EPN1: variants seen among roughly 807,000 people sequenced by gnomAD.
EPN1 encodes epsin-1.
A neutral mutation model predicts 56.9 loss-of-function variants in EPN1; 25 were observed. That is an observed-to-expected ratio of 0.44 (90% CI 0.32 to 0.61). The LOEUF is 0.61. Among genes scored for constraint, EPN1 ranks in the 20% least tolerant of loss-of-function variants. The pLI, the probability that EPN1 is intolerant of heterozygous loss-of-function variation, is 0.05. For missense variants in EPN1, 785 were observed against 823.7 expected (o/e 0.95, Z 0.58); for synonymous variants, 411 against 361.8 (o/e 1.14, Z -1.54).
chr19:55,689,141 C>A lies in EPN1; in HGVS notation c.603+147C>A. The A allele has an allele frequency of 7.9e-7, 1 of 1,266,788 alleles. No homozygotes were observed. The highest frequency in any genetic ancestry group is 1.1e-6 in the Non-Finnish European group (1 of 926,274). The allele number at this position is 1,266,788 out of a possible 1,614,324, so 78.5% of individuals were successfully genotyped here. A position where few individuals can be genotyped will look rare whatever the true frequency, so the allele number is the denominator to read the frequency against. ...CTCCTCCCCAGTCCTGCCTCATCCT[C>A]ACCCCGCCGTCCCTCTGCGTGTCAC... On this transcript the variant is annotated intron_variant, in intron 4 of 10. Transcript: ENST00000270460. This position sits in a 1 kb window ranked among gnomAD's most constrained non-coding sequence, Gnocchi z 5.7.
chr19:55,692,118 CTG>C, intron 7 of EPN1, 61 bp downstream of exon 7: 1 of 1,366,142 alleles, frequency 7.3e-7, no homozygotes, highest in Non-Finnish European at 9.5e-7. Flanking sequence ...CTTTGGTTGA[CTG>C]TGCCCTTGGA....
In EPN1 at chr19:55,691,534, C is replaced by T. The variant is rs188179703; in HGVS notation, c.763-220C>T. On this transcript the variant is annotated intron_variant, in intron 6 of 10. Transcript: ENST00000270460. The surrounding 1 kb of genome is among the most constrained non-coding windows in gnomAD (Gnocchi z 5.6). ...TGTGTTGGGGCTCCCTGGTGGTACC[C>T]TCGGGTGGGGTAGGTGGGCAGGGGT... Among the ~76,000 whole-genome samples, 3 of 151,336 alleles carry T rather than the reference C, an allele frequency of 2.0e-5. No individual in the cohort carries two copies. Among genetic ancestry groups the T allele is most frequent in the Admixed American group, 6.6e-5 (1 of 15,218 alleles).
At position 55,695,297 on chromosome 19, in the gene EPN1, C is replaced by T. The variant is rs1986852064; in HGVS notation, c.1672C>T (p.Leu558=). The T allele has an allele frequency of 6.3e-7, 1 of 1,576,726 alleles. No homozygotes were observed. The highest frequency in any genetic ancestry group is 1.4e-5 in the African/African-American group (1 of 73,934). The change falls in exon 11 of 11, where the codon CTG becomes TTG. Residue 558 remains leucine (L), a synonymous_variant. Coordinates refer to ENST00000270460, the MANE Select transcript of EPN1 (RefSeq NM_001130072.2). This position sits in a 1 kb window ranked among gnomAD's most constrained non-coding sequence, Gnocchi z 4.4. The stretch of plus-strand genomic sequence containing the variant: ...CTCTCCCCTTGGCGGGGGCCCTGGC[C>T]TGCCCCCCATGATGCCCCCGGGCCC... ...YISPLGGGPG[L]PPMMPPGPPA... is the part of the protein sequence containing the mutation.
At chr19:55,677,747 C>T (rs962067706) in intron 1 of EPN1, 2 of 1,527,494 alleles carry the variant, frequency 1.3e-6, no homozygotes, top group South Asian at 2.5e-5. Context: ...TGGTTCCCTG[C>T]TCCTGCCTCT....
intron 1 of EPN1, among the ~76,000 whole-genome samples, chr19:55,676,031 CCTG>C (rs1600091516): frequency 6.6e-6 from 1 of 152,308 alleles, no homozygotes; most frequent in East Asian, 1.9e-4. Context: ...AGCCCGGCTG[CCTG>C]CTAAGCTGTG....
At chr19:55,686,374 GC>G (rs1246629721) in intron 3 of EPN1, among the ~76,000 whole-genome samples, 1 of 152,174 alleles carries the variant, frequency 6.6e-6, no homozygotes, top group Non-Finnish European at 1.5e-5. Flanking sequence ...TGTCTGCCAG[GC>G]TCTTCTGCTC....
rs527509709 is a variant in EPN1, at chr19:55,699,338, G to C, written c.*3982G>C. ...GGCATCTCCCCCACACGTGCTTCTA[G>C]CTTCCCGGGTGTGGCGTGAGCCATT... On this transcript the variant is annotated 3_prime_UTR_variant, in exon 11 of 11. Transcript: ENST00000270460. The C allele has an allele frequency of 3.9e-5, 6 of 152,288 alleles. No homozygotes were observed. The highest frequency in any genetic ancestry group is 1.4e-4 in the African/African-American group (6 of 41,548). 9.4% of individuals were successfully genotyped at this position (152,288 alleles called of 1,614,324 possible).
In EPN1 at chr19:55,699,935, T is replaced by C. The variant is rs1444549447; in HGVS notation, c.*4579T>C. ...AATTTCCTAAAGCACTATTTTTTTTTTTTGAGACAGAGTCTTGCTCTGTCG... is the reference window on the plus strand; with the variant it reads ...AATTTCCTAAAGCACTATTTTTTTTCTTTGAGACAGAGTCTTGCTCTGTCG... On this transcript the variant is annotated 3_prime_UTR_variant, in exon 11 of 11. Transcript: ENST00000270460. The C allele has an allele frequency of 6.6e-6, 1 of 152,196 alleles. No individual in the cohort carries two copies. Among genetic ancestry groups the C allele is most frequent in the Non-Finnish European group, 1.5e-5 (1 of 68,040 alleles). The allele number at this position is 152,196 out of a possible 1,614,324, so 9.4% of individuals were successfully genotyped here. A position where few individuals can be genotyped will look rare whatever the true frequency, so the allele number is the denominator to read the frequency against.
At position 55,691,890 on chromosome 19, in the gene EPN1, C is replaced by T. The variant is rs964187672; in HGVS notation, c.899C>T (p.Pro300Leu). 28 of 1,600,240 alleles carry T rather than the reference C, an allele frequency of 1.7e-5. No homozygotes were observed. Among genetic ancestry groups the T allele is most frequent in the Non-Finnish European group, 2.3e-5 (27 of 1,173,552 alleles). Residue 300 changes from proline (P) to leucine (L), a missense_variant, in exon 7 of 11, where the codon CCT becomes CTT. Transcript: ENST00000270460. The surrounding 1 kb of genome is among the most constrained non-coding windows in gnomAD (Gnocchi z 5.6). ...ACCTCGGACCCCTGGGGCGGCCCCCCTGTCCCTCCAGCTGCTGATCCCTGG... is the reference window on the plus strand; with the variant it reads ...ACCTCGGACCCCTGGGGCGGCCCCCTTGTCCCTCCAGCTGCTGATCCCTGG... ...APTSDPWGGP[P>L]VPPAADPWGG... is the part of the protein sequence containing the mutation.
At chr19:55,688,212 A>G (rs556421776) in intron 3 of EPN1, among the ~76,000 whole-genome samples, 23 of 152,214 alleles carry the variant, frequency 1.5e-4, no homozygotes, top group Non-Finnish European at 2.6e-4. Flanking sequence ...TGGAGAGAAC[A>G]GTGTCAGGAC....
rs1986769806 is a variant in EPN1, at chr19:55,694,243, A to ACAAAC, written c.1265-481_1265-480insAACCA. On this transcript the variant is annotated intron_variant, in intron 9 of 10. Coordinates refer to ENST00000270460, the MANE Select transcript of EPN1 (RefSeq NM_001130072.2). This position sits in a 1 kb window ranked among gnomAD's most constrained non-coding sequence, Gnocchi z 4.2. ...AGAAAAAAAAAAAAAAAAAAAAAAA[A>ACAAAC]CAGAAAATCAGACCTCTAGCCAACA... is the stretch of plus-strand genomic sequence containing the variant. The ACAAAC allele has an allele frequency of 1.4e-5, 1 of 72,828 alleles. No homozygotes were observed. The highest frequency in any genetic ancestry group is 4.3e-5 in the African/African-American group (1 of 23,364). The allele number at this position is 72,828 out of a possible 1,614,324, so 4.5% of individuals were successfully genotyped here.
In EPN1 at chr19:55,688,897, C is replaced by G. The variant is rs990293322; in HGVS notation, c.506C>G (p.Pro169Arg). Residue 169 changes from proline (P) to arginine (R), a missense_variant, in exon 4 of 11, where the codon CCC (proline) becomes CGC (arginine). Pro to Arg is a moderately radical substitution (Grantham distance 103, BLOSUM62 -2). Coordinates refer to ENST00000270460, the MANE Select transcript of EPN1 (RefSeq NM_001130072.2). ...TCATCAGCAGCTGTGGGCTCAGGCC[C>G]CCCTCCCGAGGCGGAGCAGGCGTGG... ...TASSAAVGSG[P>R]PPEAEQAWPQ... 3.4e-5 allele frequency: 53 copies of G among 1,580,818 alleles called. No homozygotes were observed. Among genetic ancestry groups the G allele is most frequent in the Non-Finnish European group, 4.5e-5 (52 of 1,164,064 alleles).
rs1435137230 is a variant in EPN1, at chr19:55,697,650, T to C, written c.*2294T>C. On this transcript the variant is annotated 3_prime_UTR_variant, in exon 11 of 11. Coordinates refer to ENST00000270460, the MANE Select transcript of EPN1 (RefSeq NM_001130072.2). ...CTTCGGCATCTTCTTTTCCCTACAGTGCGAATTACAAAGTAGCACCACAGA... is the reference window on the plus strand; with the variant it reads ...CTTCGGCATCTTCTTTTCCCTACAGCGCGAATTACAAAGTAGCACCACAGA... 6.6e-6 allele frequency: 1 copy of C among 152,160 alleles called. No individual in the cohort carries two copies. The highest frequency in any genetic ancestry group is 2.4e-5 in the African/African-American group (1 of 41,426). The allele number at this position is 152,160 out of a possible 1,614,324, so 9.4% of individuals were successfully genotyped here. A position where few individuals can be genotyped will look rare whatever the true frequency, so the allele number is the denominator to read the frequency against.
At chr19:55,690,329 G>A (rs573961416) in intron 6 of EPN1, among the ~76,000 whole-genome samples, 3 of 152,378 alleles carry the variant, frequency 2.0e-5, no homozygotes, top group Admixed American at 2.0e-4. Flanking sequence ...CACCTCCTTG[G>A]TGCCAGGCCG....
In EPN1 at chr19:55,708,890, G is replaced by A. The variant is rs758835669; in HGVS notation, c.*13534G>A. The A allele has an allele frequency of 3.7e-5, 56 of 1,501,230 alleles. No individual in the cohort carries two copies. The highest frequency in any genetic ancestry group is 1.2e-4 in the African/African-American group (8 of 68,872). 93.0% of individuals were successfully genotyped at this position (1,501,230 alleles called of 1,614,324 possible). On this transcript the variant is annotated 3_prime_UTR_variant, in exon 11 of 11. Coordinates refer to ENST00000270460, the MANE Select transcript of EPN1 (RefSeq NM_001130072.2). ...TGGCCAAGGAAAGCCTTTGTGAGAC[G>A]ACTACTTCAGGGTGTTCCCCATCAG...
rs1359314574 is a variant in EPN1, at chr19:55,701,108, A to C, written c.*5752A>C. 7 of 151,978 alleles carry C rather than the reference A, an allele frequency of 4.6e-5. No homozygotes were observed. The highest frequency in any genetic ancestry group is 1.4e-4 in the African/African-American group (6 of 41,426). The allele number at this position is 151,978 out of a possible 1,614,324, so 9.4% of individuals were successfully genotyped here. On this transcript the variant is annotated 3_prime_UTR_variant, in exon 11 of 11. Transcript: ENST00000270460. Reference sequence around the variant, plus strand: ...GGTTCCCATCTTATCAAGATGCTGGACTCGGTGCTTGAAACATGTCCTGAC... The same window carrying C: ...GGTTCCCATCTTATCAAGATGCTGGCCTCGGTGCTTGAAACATGTCCTGAC...
chr19:55,705,327 A>G lies in EPN1; in HGVS notation c.*9971A>G, dbSNP rs1987339047. The G allele has an allele frequency of 6.6e-6, 1 of 152,172 alleles. No homozygotes were observed. The highest frequency in any genetic ancestry group is 1.5e-5 in the Non-Finnish European group (1 of 68,034). 9.4% of individuals were successfully genotyped at this position (152,172 alleles called of 1,614,324 possible). A position where few individuals can be genotyped will look rare whatever the true frequency, so the allele number is the denominator to read the frequency against. On this transcript the variant is annotated 3_prime_UTR_variant, in exon 11 of 11. Coordinates refer to ENST00000270460, the MANE Select transcript of EPN1 (RefSeq NM_001130072.2). ...AAACGAAAACAAACCAATGAAAAAA[A>G]CCTCTCAGAACGATACAGAATCCAG...
Position 55,702,345 on chromosome 19 carries a change from G to A in EPN1, c.*6989G>A, listed in dbSNP as rs1312436330. 3.3e-5 allele frequency: 5 copies of A among 152,450 alleles called. No homozygotes were observed. Among genetic ancestry groups the A allele is most frequent in the East Asian group, 1.9e-4 (1 of 5,184 alleles). 9.4% of individuals were successfully genotyped at this position (152,450 alleles called of 1,614,324 possible). On this transcript the variant is annotated 3_prime_UTR_variant, in exon 11 of 11. Coordinates refer to ENST00000270460, the MANE Select transcript of EPN1 (RefSeq NM_001130072.2). ...CTTATCTGTGTGTGCTAAAAGGGGAGGGAGTGTTTCTGTGCCCATTCCCAG... is the reference window on the plus strand; with the variant it reads ...CTTATCTGTGTGTGCTAAAAGGGGAAGGAGTGTTTCTGTGCCCATTCCCAG...
rs1986768148 is a variant in EPN1 at position 55,694,240 on chromosome 19, AAAAC to A, written c.1265-484_1265-481del. 2 of 152,660 alleles carry A rather than the reference AAAAC, an allele frequency of 1.3e-5. No homozygotes were observed. The highest frequency in any genetic ancestry group is 2.9e-5 in the Non-Finnish European group (2 of 68,820). 9.5% of individuals were successfully genotyped at this position (152,660 alleles called of 1,614,324 possible). Reference sequence around the variant, plus strand: ...CTCAGAAAAAAAAAAAAAAAAAAAAAAAACAGAAAATCAGACCTCTAGCCAACAG... The same window carrying A: ...CTCAGAAAAAAAAAAAAAAAAAAAAAAGAAAATCAGACCTCTAGCCAACAG... On this transcript the variant is annotated intron_variant, in intron 9 of 10. Transcript: ENST00000270460. The surrounding 1 kb of genome is among the most constrained non-coding windows in gnomAD (Gnocchi z 4.2).
Sources: allele counts gnomAD v4.1 joint callset (sites outside exome capture counted in the v4.1 genomes callset), GRCh38; gene constraint gnomAD v4.1.1; non-coding constraint Gnocchi (gnomAD v3.1); transcripts MANE v1.5; gene names NCBI Gene and HGNC (gene_info 2026-07-23, HGNC 2026-07-21).